ALK: variants seen among roughly 807,000 people sequenced by gnomAD.
ALK encodes the protein ALK receptor tyrosine kinase.
Under a neutral mutation model 163.1 loss-of-function variants are expected in ALK, and 74 were observed. The ratio of observed to expected loss-of-function variants is 0.45; its 90% CI spans 0.38 to 0.55. The LOEUF is 0.55. Ranked by LOEUF, ALK falls within the 20% of genes least tolerant of loss-of-function variation. ALK has a pLI of 0.00. For missense variants in ALK, 2,063 were observed against 2,105.3 expected (o/e 0.98, Z 0.39); for synonymous variants, 960 against 843.2 (o/e 1.14, Z -2.40).
At chr2:29,699,953 C>G (rs1165818910) in intron 2 of ALK, among the ~76,000 whole-genome samples, 1 of 152,220 alleles carries the variant, frequency 6.6e-6, no homozygotes, top group African/African-American at 2.4e-5. Flanking sequence ...CTGCACAGAG[C>G]AGCTGAGACC....
intron 4 of ALK, among the ~76,000 whole-genome samples, chr2:29,487,135 C>CT (rs1236703994): frequency 6.6e-6 from 1 of 152,200 alleles, no homozygotes; most frequent in Non-Finnish European, 1.5e-5. Flanking sequence ...AAGCGATACT[C>CT]TAACTTTCCG....
chr2:29,643,187 G>C (rs975269136), intron 3 of ALK, among the ~76,000 whole-genome samples: 26 of 152,082 alleles, frequency 1.7e-4, no homozygotes, highest in African/African-American at 6.0e-4. Context: ...TGGTGGGTTT[G>C]AAATATGCAT....
chr2:29,702,166 T>G (rs1018722769), intron 2 of ALK, among the ~76,000 whole-genome samples: 2 of 151,938 alleles, frequency 1.3e-5, no homozygotes, highest in Non-Finnish European at 2.9e-5. Context: ...ATCAACTCCT[T>G]CAAAATGACA....
chr2:29,295,587 T>C (rs1048930201), intron 9 of ALK, among the ~76,000 whole-genome samples: 4 of 152,236 alleles, frequency 2.6e-5, no homozygotes, highest in African/African-American at 4.8e-5. Flanking sequence ...GGGTAGCTAG[T>C]GCTCAGAGTG....
rs528858514 is a variant in ALK at position 29,720,514 on chromosome 2, G to A, written c.668-2817C>T. Among the ~76,000 whole-genome samples the A allele has an allele frequency of 6.0e-4, 92 of 152,282 alleles. 1 individual carries two copies. The highest frequency in any genetic ancestry group is 1.7e-3 in the African/African-American group (71 of 41,562). ...CAAGTGATAAGCCGGATGAGGCTAG[G>A]GAGCTAATGTGGGGGTCAGCCAAAA... is the stretch of plus-strand genomic sequence containing the variant. On this transcript the variant is annotated intron_variant, in intron 1 of 28. Coordinates refer to ENST00000389048, the MANE Select transcript of ALK (RefSeq NM_004304.5).
At chr2:29,474,781 T>A (rs1671461584) in intron 4 of ALK, among the ~76,000 whole-genome samples, 2 of 151,822 alleles carry the variant, frequency 1.3e-5, no homozygotes, top group South Asian at 4.2e-4. Flanking sequence ...GAGGTTTAGT[T>A]CAGGCTGATT....
intron 12 of ALK, among the ~76,000 whole-genome samples, chr2:29,241,484 G>A (rs906814435): frequency 1.1e-4 from 16 of 152,174 alleles, no homozygotes; most frequent in African/African-American, 3.9e-4. Context: ...GGCCAGGAGG[G>A]AGATGGGGGA....
At chr2:29,602,132 G>A in intron 3 of ALK, among the ~76,000 whole-genome samples, 1 of 152,196 alleles carries the variant, frequency 6.6e-6, no homozygotes, top group Middle Eastern at 3.4e-3. Context: ...ATATATTTTT[G>A]TTTTTTTCTT....
chr2:29,330,027 G>T (rs576459424), intron 5 of ALK, among the ~76,000 whole-genome samples: 2 of 152,128 alleles, frequency 1.3e-5, no homozygotes, highest in African/African-American at 4.8e-5. Flanking sequence ...TCTTTTCTAG[G>T]GTAGTCCAGA....
intron 4 of ALK, among the ~76,000 whole-genome samples, chr2:29,420,156 TAAAAAA>T (rs66468654): frequency 1.8e-5 from 2 of 108,762 alleles, no homozygotes; most frequent in South Asian, 3.2e-4. Context: ...GACCCTGTCT[TAAAAAA>T]AAAAAAAAAA....
At chr2:29,815,863 G>A (rs1422271328) in intron 1 of ALK, among the ~76,000 whole-genome samples, 1 of 152,164 alleles carries the variant, frequency 6.6e-6, no homozygotes, top group Non-Finnish European at 1.5e-5. Flanking sequence ...CAGTCCCTTT[G>A]TGTAAGGAGT....
chr2:29,312,140 T>C (rs1018114840), intron 8 of ALK, among the ~76,000 whole-genome samples: 1 of 152,038 alleles, frequency 6.6e-6, no homozygotes, highest in African/African-American at 2.4e-5. Flanking sequence ...ACCCTCCAGA[T>C]TCAGGCTCCT....
chr2:29,821,636 G>T (rs576767572), intron 1 of ALK, among the ~76,000 whole-genome samples: 7 of 152,228 alleles, frequency 4.6e-5, no homozygotes, highest in African/African-American at 1.7e-4. Flanking sequence ...GCATCTGTAG[G>T]GGTTCTGGGG....
At position 29,230,840 on chromosome 2, in the gene ALK, G is replaced by A. The variant is rs975517126; in HGVS notation, c.2632+1464C>T. Among the ~76,000 whole-genome samples, 8 of 152,220 alleles carry A rather than the reference G, an allele frequency of 5.3e-5. No homozygotes were observed. The South Asian group carries it at 1.5e-3, about 28-fold the overall frequency. ...GGCGCGTTAGGGGCCAGAAGTTGGC[G>A]CTGGTGTTTGTGCACGGCTGTGAGT... On this transcript the variant is annotated intron_variant, in intron 15 of 28. Transcript: ENST00000389048.
intron 4 of ALK, among the ~76,000 whole-genome samples, chr2:29,387,050 G>A (rs1274266198): frequency 2.0e-5 from 3 of 152,156 alleles, no homozygotes; most frequent in African/African-American, 7.2e-5. Flanking sequence ...GGAGACAAAC[G>A]TACAGCTGGT....
intron 4 of ALK, among the ~76,000 whole-genome samples, chr2:29,524,296 G>A (rs1242885550): frequency 6.6e-6 from 1 of 152,220 alleles, no homozygotes; most frequent in Non-Finnish European, 1.5e-5. Flanking sequence ...TTGTGGGCCA[G>A]AATTAGATGA....
At chr2:29,447,176 G>A (rs1016824085) in intron 4 of ALK, among the ~76,000 whole-genome samples, 1 of 152,154 alleles carries the variant, frequency 6.6e-6, no homozygotes, top group African/African-American at 2.4e-5. Flanking sequence ...GATACCTGAT[G>A]GAGGCACTCA....
At chr2:29,806,675 T>C (rs1214641920) in intron 1 of ALK, among the ~76,000 whole-genome samples, 1 of 152,162 alleles carries the variant, frequency 6.6e-6, no homozygotes, top group Admixed American at 6.5e-5. Context: ...TGGTGAGGAC[T>C]TAAAGCCTTC....
At chr2:29,519,062 A>AT in intron 4 of ALK, among the ~76,000 whole-genome samples, 1 of 152,354 alleles carries the variant, frequency 6.6e-6, no homozygotes. Context: ...AGGTATTACT[A>AT]TTGCCATTTT....
Sources: gnomAD v4.1 joint callset for allele counts (sites outside exome capture counted in the v4.1 genomes callset) on GRCh38, gnomAD v4.1.1 for gene constraint, MANE v1.5 for transcripts, NCBI Gene and HGNC (gene_info 2026-07-23, HGNC 2026-07-21) for gene names.